The following LOX variants were observed in gnomAD, a reference collection of about 807,000 sequenced individuals.
LOX encodes lysyl oxidase, also known as protein-lysine 6-oxidase.
A neutral mutation model predicts 50.5 loss-of-function variants in LOX; 12 were observed. That is an observed-to-expected ratio of 0.24 (90% CI 0.15 to 0.38). The LOEUF (loss-of-function observed/expected upper bound fraction) is 0.38, where lower values mean the gene tolerates loss of function less well. LOX is among the 10% of genes least tolerant of loss of function. The pLI, the probability that LOX is intolerant of heterozygous loss-of-function variation, is 1.00. For synonymous variants in LOX, 254 were observed against 230.6 expected, an observed-to-expected ratio of 1.10 and a Z score of -0.92; for missense variants, 504 against 563.8, an observed-to-expected ratio of 0.89 and a Z score of 1.07.
chr5:122,075,459 A>T lies in LOX; in HGVS notation c.823T>A (p.Ser275Thr), dbSNP rs1477309077. The change falls in exon 3 of 7, where the codon TCA becomes ACA. Residue 275 changes from serine (S) to threonine (T), a missense_variant. This residue lies in a region of LOX where 106 missense variants were observed against 198.1 expected (regional missense o/e 0.54). Transcript: ENST00000231004. ...FPQRVKNQGT[S>T]DFLPSRPRYS... ...CTTGGTCGGCTGGGTAAGAAATCTG[A>T]TGTCCCTTGGTTTTTCACTCTTTGG... 9 of 1,613,638 alleles carry T rather than the reference A, an allele frequency of 5.6e-6. No individual in the cohort carries two copies. The highest frequency in any genetic ancestry group is 7.6e-6 in the Non-Finnish European group (9 of 1,179,806).
At position 122,077,996 on chromosome 5, in the gene LOX, G is replaced by T; in HGVS notation, c.-11C>A. The T allele has an allele frequency of 6.9e-7, 1 of 1,445,226 alleles. No homozygotes were observed. The allele number at this position is 1,445,226 out of a possible 1,614,324, so 89.5% of individuals were successfully genotyped here. ...CCAGGCGAAGCGCATCACTCCTTTTGCCAGATTGACCCCGCTCGAGGAGGA... is the reference window on the plus strand; with the variant it reads ...CCAGGCGAAGCGCATCACTCCTTTTTCCAGATTGACCCCGCTCGAGGAGGA... On this transcript the variant is annotated 5_prime_UTR_variant, in exon 1 of 7. Coordinates refer to ENST00000231004, the MANE Select transcript of LOX (RefSeq NM_002317.7). This position sits in a 1 kb window ranked among gnomAD's most constrained non-coding sequence, Gnocchi z 4.9.
At position 122,077,281 on chromosome 5, in the gene LOX, G is replaced by GGCA; in HGVS notation, c.631+71_631+73dup. The GGCA allele has an allele frequency of 1.3e-6, 2 of 1,593,946 alleles. No homozygotes were observed. The highest frequency in any genetic ancestry group is 2.3e-5 in the South Asian group (2 of 88,164). Reference sequence around the variant, plus strand: ...CGAGGACCGGGGCCCGCCGCGCCCAGGCAGCCACGTCGAGAAGCCACATAG... The same window carrying GGCA: ...CGAGGACCGGGGCCCGCCGCGCCCAGGCAGCAGCCACGTCGAGAAGCCACATAG... On this transcript the variant is annotated intron_variant, in intron 1 of 6. Coordinates refer to ENST00000231004, the MANE Select transcript of LOX (RefSeq NM_002317.7). This position sits in a 1 kb window ranked among gnomAD's most constrained non-coding sequence, Gnocchi z 4.9.
chr5:122,073,945 C>A, intron 4 of LOX, 68 bp downstream of exon 4: 1 of 1,418,088 alleles, frequency 7.1e-7, no homozygotes, highest in Admixed American at 1.8e-5. Context: ...CTATTTAATG[C>A]TAACTAACGG....
intron 4 of LOX, 49 bp downstream of exon 4, chr5:122,073,964 C>G (rs768160466): frequency 2.6e-6 from 4 of 1,562,754 alleles, no homozygotes; most frequent in Non-Finnish European, 3.5e-6. Flanking sequence ...GGTAGATGAC[C>G]CGTTTCTCTC....
At position 122,066,182 on chromosome 5, in the gene LOX, C is replaced by T. The variant is rs1303454586; in HGVS notation, c.*561G>A. ...ATATAGGGATGTAACTATCTGAGTA[C>T]ATGTATTGCCATTTCTCTGCTATAT... On this transcript the variant is annotated 3_prime_UTR_variant, in exon 7 of 7. Coordinates refer to ENST00000231004, the MANE Select transcript of LOX (RefSeq NM_002317.7). The T allele has an allele frequency of 1.3e-5, 2 of 152,066 alleles. No individual in the cohort carries two copies. The highest frequency in any genetic ancestry group is 6.6e-5 in the Admixed American group (1 of 15,256). The allele number at this position is 152,066 out of a possible 1,614,324, so 9.4% of individuals were successfully genotyped here. A position where few individuals can be genotyped will look rare whatever the true frequency, so the allele number is the denominator to read the frequency against.
Position 122,077,623 on chromosome 5 carries a change from G to A in LOX, c.363C>T (p.Ala121=), listed in dbSNP as rs760135360. The A allele has an allele frequency of 5.0e-6, 8 of 1,611,598 alleles. No homozygotes were observed. In the South Asian group the frequency reaches 6.6e-5, roughly 13 times the overall value. ...GVTAGRPRPT[A]RHWFQAGYST... ...AGTAGCCAGCTTGGAACCAGTGACG[G>A]GCGGTGGGCCTGGGGCGGCCAGCGG... Residue 121 remains alanine (A), a synonymous_variant, in exon 1 of 7, where the codon GCC becomes GCT. Transcript: ENST00000231004. The surrounding 1 kb of genome is among the most constrained non-coding windows in gnomAD (Gnocchi z 4.9).
intron 4 of LOX, among the ~76,000 whole-genome samples, chr5:122,073,240 T>C (rs890716860): frequency 4.6e-5 from 7 of 152,160 alleles, no homozygotes; most frequent in Non-Finnish European, 1.0e-4. Context: ...TAGGGTTTCA[T>C]ATGGAAATAC....
In LOX at chr5:122,066,539, C is replaced by T. The variant is rs991015403; in HGVS notation, c.*204G>A. 2 of 492,226 alleles carry T rather than the reference C, an allele frequency of 4.1e-6. No homozygotes were observed. The highest frequency in any genetic ancestry group is 1.9e-5 in the African/African-American group (1 of 51,610). 30.5% of individuals were successfully genotyped at this position (492,226 alleles called of 1,614,324 possible). ...TTCACAAAGTGATGTAAATAATAAA[C>T]ATTAAAAATTTCCCAAGTAATGATG... On this transcript the variant is annotated 3_prime_UTR_variant, in exon 7 of 7. Transcript: ENST00000231004.
In LOX at chr5:122,066,682, AT is replaced by A; in HGVS notation, c.*60del. 6 of 1,433,904 alleles carry A rather than the reference AT, an allele frequency of 4.2e-6. No individual in the cohort carries two copies. The highest frequency in any genetic ancestry group is 1.4e-5 in the African/African-American group (1 of 70,886). 88.8% of individuals were successfully genotyped at this position (1,433,904 alleles called of 1,614,324 possible). A position where few individuals can be genotyped will look rare whatever the true frequency, so the allele number is the denominator to read the frequency against. On this transcript the variant is annotated 3_prime_UTR_variant, in exon 7 of 7. Coordinates refer to ENST00000231004, the MANE Select transcript of LOX (RefSeq NM_002317.7). ...ACATAAATCCTACTGAAGTTAGTCT[AT>A]TTTTTCCCACTTCAGAACACCAGGC...
intron 6 of LOX, among the ~76,000 whole-genome samples, chr5:122,066,999 GAA>G (rs748456366): frequency 6.6e-6 from 1 of 152,090 alleles, no homozygotes; most frequent in Non-Finnish European, 1.5e-5. Context: ...AACCACTTCT[GAA>G]ACACTCAAGA....
Position 122,077,669 on chromosome 5 carries a change from G to C in LOX, c.317C>G (p.Thr106Arg). Residue 106 changes from threonine (T) to arginine (R), a missense_variant, in exon 1 of 7, where the codon ACG becomes AGG. Physicochemically the swap from Thr to Arg is moderately conservative, Grantham distance 71. Transcript: ENST00000231004. This position sits in a 1 kb window ranked among gnomAD's most constrained non-coding sequence, Gnocchi z 4.9. ...AGCGGTGACTCCAGATGAGCCGGCC[G>C]TCCGCGTTCGCGCCGCGGCGGTGCG... ...DNRTAAARTR[T>R]AGSSGVTAGR... is the part of the protein sequence containing the mutation. The C allele has an allele frequency of 6.2e-7, 1 of 1,604,420 alleles. No individual in the cohort carries two copies. Among genetic ancestry groups the C allele is most frequent in the South Asian group, 1.1e-5 (1 of 90,572 alleles).
At chr5:122,075,213 T>G (rs1754579758) in intron 3 of LOX, 191 bp downstream of exon 3, 1 of 510,282 alleles carries the variant, frequency 2.0e-6, no homozygotes, top group African/African-American at 1.9e-5. Flanking sequence ...GGGCTTCAGA[T>G]TTTCCATTTC....
In LOX at chr5:122,078,088, A is replaced by G; in HGVS notation, c.-103T>C. The G allele has an allele frequency of 9.0e-7, 1 of 1,110,912 alleles. No individual in the cohort carries two copies. The highest frequency in any genetic ancestry group is 1.2e-6 in the Non-Finnish European group (1 of 835,712). 68.8% of individuals were successfully genotyped at this position (1,110,912 alleles called of 1,614,324 possible). A position where few individuals can be genotyped will look rare whatever the true frequency, so the allele number is the denominator to read the frequency against. Reference sequence around the variant, plus strand: ...GGGAAGGAGAAATCTTCAACCAAGGAGGCGAGCGGAGCACGGGTATCTCAG... The same window carrying G: ...GGGAAGGAGAAATCTTCAACCAAGGGGGCGAGCGGAGCACGGGTATCTCAG... On this transcript the variant is annotated 5_prime_UTR_variant, in exon 1 of 7. Transcript: ENST00000231004.
In LOX at chr5:122,071,000, G is replaced by C. The variant is rs1016727092; in HGVS notation, c.1036-411C>G. Among the ~76,000 whole-genome samples, 5 of 152,206 alleles carry C rather than the reference G, an allele frequency of 3.3e-5. No individual in the cohort carries two copies. The East Asian group carries it at 9.7e-4, about 29-fold the overall frequency. On this transcript the variant is annotated intron_variant, in intron 4 of 6. Coordinates refer to ENST00000231004, the MANE Select transcript of LOX (RefSeq NM_002317.7). Reference sequence around the variant, plus strand: ...TTTGGAAATTACCTTCTTGTGCTTTGAACGTCCATGATACTTTTTATTGTG... The same window carrying C: ...TTTGGAAATTACCTTCTTGTGCTTTCAACGTCCATGATACTTTTTATTGTG...
chr5:122,072,959 T>C (rs545610155), intron 4 of LOX, among the ~76,000 whole-genome samples: 1 of 152,340 alleles, frequency 6.6e-6, no homozygotes, highest in Admixed American at 6.5e-5. Context: ...ACATGAATAA[T>C]GTGTGGGTAA....
chr5:122,075,622 A>G, intron 2 of LOX, 81 bp from the exon 3 acceptor site: 2 of 915,282 alleles, frequency 2.2e-6, no homozygotes, highest in South Asian at 4.4e-5. Context: ...CATCCATTAT[A>G]TAGTAGTGAC....
In LOX at chr5:122,077,267, G is replaced by T. The variant is rs572695424; in HGVS notation, c.631+88C>A. 494 of 1,569,122 alleles carry T rather than the reference G, an allele frequency of 3.1e-4. 11 individuals are homozygous for T. The South Asian group carries it at 5.7e-3, about 18-fold the overall frequency. On this transcript the variant is annotated intron_variant, in intron 1 of 6. Coordinates refer to ENST00000231004, the MANE Select transcript of LOX (RefSeq NM_002317.7). The surrounding 1 kb of genome is among the most constrained non-coding windows in gnomAD (Gnocchi z 4.9). ...AGGGATCGGATCTGCGAGGACCGGG[G>T]CCCGCCGCGCCCAGGCAGCCACGTC... is the stretch of plus-strand genomic sequence containing the variant.
chr5:122,076,717 C>A (rs948813155), intron 2 of LOX, among the ~76,000 whole-genome samples, 176 bp downstream of exon 2: 2 of 151,878 alleles, frequency 1.3e-5, no homozygotes, highest in African/African-American at 4.8e-5. Flanking sequence ...CAGAAATCTT[C>A]AAAAATATTA....
At chr5:122,073,291 A>G (rs1384430477) in intron 4 of LOX, among the ~76,000 whole-genome samples, 1 of 152,234 alleles carries the variant, frequency 6.6e-6, no homozygotes, top group African/African-American at 2.4e-5. Context: ...CAATGATAAA[A>G]CATGCAAACT....
Sources: allele counts gnomAD v4.1 joint callset (sites outside exome capture counted in the v4.1 genomes callset), GRCh38; gene constraint gnomAD v4.1.1; regional missense constraint gnomAD v4.1.1; non-coding constraint Gnocchi (gnomAD v3.1); transcripts MANE v1.5; gene names NCBI Gene and HGNC (gene_info 2026-07-23, HGNC 2026-07-21).